The following ABCD3 variants were observed in gnomAD, a reference collection of about 807,000 sequenced individuals.
The protein encoded by ABCD3 is ATP binding cassette subfamily D member 3, also known as ATP-binding cassette sub-family D member 3.
ABCD3 carries 41 observed loss-of-function variants against 105.5 expected under a neutral mutation model. The ratio of observed to expected loss-of-function variants is 0.39; its 90% confidence interval spans 0.30 to 0.50. The LOEUF (loss-of-function observed/expected upper bound fraction) is 0.50, where lower values mean the gene tolerates loss of function less well. ABCD3 is among the 20% of genes least tolerant of loss of function. The probability of loss-of-function intolerance (pLI) is 0.84; values close to 1 mark genes in which losing one functional copy is unlikely to be tolerated. For missense variants in ABCD3, 622 were observed against 806.3 expected, an observed-to-expected ratio of 0.77 and a Z score of 2.77; for synonymous variants, 258 against 269.0, an observed-to-expected ratio of 0.96 and a Z score of 0.40.
At chr1:94,488,427 G>A (rs1316207979) in intron 13 of ABCD3, among the ~76,000 whole-genome samples, 2 of 151,940 alleles carry the variant, frequency 1.3e-5, no homozygotes, top group African/African-American at 4.8e-5. Context: ...TCTTGTATCT[G>A]TAGGCGTGCT....
intron 2 of ABCD3, among the ~76,000 whole-genome samples, chr1:94,462,154 A>G (rs957512827): frequency 6.6e-6 from 1 of 152,092 alleles, no homozygotes; most frequent in Non-Finnish European, 1.5e-5. Context: ...CTTTTTCTAT[A>G]ATGTTCATGT....
chr1:94,456,363 C>T (rs752825103), intron 1 of ABCD3, among the ~76,000 whole-genome samples: 1 of 146,214 alleles, frequency 6.8e-6, no homozygotes, highest in Non-Finnish European at 1.5e-5. Flanking sequence ...CAACCTCTGC[C>T]TCCCAGGTTC....
At chr1:94,421,257 T>A (rs1039191278) in intron 1 of ABCD3, among the ~76,000 whole-genome samples, 1 of 152,184 alleles carries the variant, frequency 6.6e-6, no homozygotes, top group Non-Finnish European at 1.5e-5. Flanking sequence ...TTATATACAT[T>A]GAAATGTACA....
intron 22 of ABCD3, 35 bp downstream of exon 22, chr1:94,515,237 T>C: frequency 6.6e-7 from 1 of 1,504,176 alleles, no homozygotes; most frequent in Non-Finnish European, 9.2e-7. Context: ...TACAGTGAAA[T>C]TTTATTTTCT....
intron 1 of ABCD3, among the ~76,000 whole-genome samples, chr1:94,436,688 G>C (rs374560246): frequency 6.6e-6 from 1 of 152,090 alleles, no homozygotes; most frequent in Non-Finnish European, 1.5e-5. Flanking sequence ...GGTAATTCTC[G>C]TGATATTTCA....
At position 94,418,421 on chromosome 1, in the gene ABCD3, AGCCGCCGCCGCC is replaced by A. The variant is rs527684035; in HGVS notation, c.-46_-35del. ...TCCCCCGCGCTGCGTGCAGTAAGGT[AGCCGCCGCCGCC>A]GCCGCCGCCGCGTCCCCTCGCCGGC... On this transcript the variant is annotated 5_prime_UTR_variant, in exon 1 of 23. Coordinates refer to ENST00000370214, the MANE Select transcript of ABCD3 (RefSeq NM_002858.4). The A allele has an allele frequency of 4.1e-5, 57 of 1,405,490 alleles. 1 individual carries two copies. Among genetic ancestry groups the A allele is most frequent in the Admixed American group, 1.9e-5 (1 of 51,562 alleles). 87.1% of individuals were successfully genotyped at this position (1,405,490 alleles called of 1,614,324 possible).
At chr1:94,489,631 TAA>T in intron 13 of ABCD3, 92 bp from the exon 14 acceptor site, 1 of 865,872 alleles carries the variant, frequency 1.2e-6, no homozygotes, top group South Asian at 1.4e-5. Flanking sequence ...TCATTTATAC[TAA>T]ATTATAATTT....
Position 94,517,873 on chromosome 1 carries a change from C to T in ABCD3, c.*744C>T, listed in dbSNP as rs989805926. ...TGTTTGGGATATTAAAACACAAAGT[C>T]CTTAACATGCCAGGCTCAAGGTCTT... On this transcript the variant is annotated 3_prime_UTR_variant, in exon 23 of 23. Transcript: ENST00000370214. 1.3e-5 allele frequency: 2 copies of T among 152,190 alleles called. No homozygotes were observed. Among genetic ancestry groups the T allele is most frequent in the Admixed American group, 6.6e-5 (1 of 15,208 alleles). 9.4% of individuals were successfully genotyped at this position (152,190 alleles called of 1,614,324 possible).
chr1:94,512,599 A>G (rs1338456720), intron 21 of ABCD3, among the ~76,000 whole-genome samples: 1 of 152,046 alleles, frequency 6.6e-6, no homozygotes, highest in Non-Finnish European at 1.5e-5. Flanking sequence ...AAAACTCAAC[A>G]ATAATTATTT....
chr1:94,429,189 C>T (rs1029082679), intron 1 of ABCD3, among the ~76,000 whole-genome samples: 14 of 152,050 alleles, frequency 9.2e-5, no homozygotes, highest in Admixed American at 7.2e-4. Flanking sequence ...GGGTGTTTGG[C>T]GGAAGAAATT....
intron 21 of ABCD3, among the ~76,000 whole-genome samples, chr1:94,509,225 C>T (rs1570839405): frequency 6.6e-6 from 1 of 152,174 alleles, no homozygotes; most frequent in East Asian, 1.9e-4. Flanking sequence ...AAGGCCTTTT[C>T]TGCATCTATT....
At chr1:94,465,857 T>C (rs779086562) in intron 3 of ABCD3, among the ~76,000 whole-genome samples, 29 of 152,212 alleles carry the variant, frequency 1.9e-4, no homozygotes, top group Non-Finnish European at 3.7e-4. Flanking sequence ...TCTCATTCTG[T>C]AACTAGAAGT....
chr1:94,461,707 A>G (rs1647879394), intron 2 of ABCD3, among the ~76,000 whole-genome samples: 1 of 152,024 alleles, frequency 6.6e-6, no homozygotes, highest in African/African-American at 2.4e-5. Context: ...GCTATGATTT[A>G]TGTAATATTG....
the ABCD3 span, among the ~76,000 whole-genome samples, chr1:94,385,598 G>C: frequency 6.6e-6 from 1 of 152,186 alleles, no homozygotes; most frequent in African/African-American, 2.4e-5. Flanking sequence ...GAGGTACTCT[G>C]TATGTGTCAG....
intron 1 of ABCD3, among the ~76,000 whole-genome samples, chr1:94,446,857 T>C (rs1197563445): frequency 6.6e-6 from 1 of 152,212 alleles, no homozygotes; most frequent in Non-Finnish European, 1.5e-5. Context: ...CTGGGACTAT[T>C]CAACCGATTG....
chr1:94,432,591 G>C (rs1659727839), intron 1 of ABCD3: 1 of 152,090 alleles, frequency 6.6e-6, no homozygotes, highest in African/African-American at 2.4e-5. Flanking sequence ...TTACAGGTGA[G>C]GAATAAGTAA....
the ABCD3 span, among the ~76,000 whole-genome samples, chr1:94,393,540 G>A: frequency 6.6e-6 from 1 of 152,126 alleles, no homozygotes; most frequent in Admixed American, 6.5e-5. Context: ...CTGGGAGGCT[G>A]AGGCAGGAGA....
chr1:94,508,125 G>A (rs1411573035), intron 21 of ABCD3, among the ~76,000 whole-genome samples: 1 of 151,994 alleles, frequency 6.6e-6, no homozygotes, highest in Non-Finnish European at 1.5e-5. Flanking sequence ...ATGGTTTTAG[G>A]TCTAACGTTT....
chr1:94,511,687 G>T (rs181005863), intron 21 of ABCD3, among the ~76,000 whole-genome samples: 1 of 151,860 alleles, frequency 6.6e-6, no homozygotes, highest in Non-Finnish European at 1.5e-5. Flanking sequence ...GGCTTTGCTC[G>T]TTTCTGTTTG....
Sources: gnomAD v4.1 joint callset for allele counts (sites outside exome capture counted in the v4.1 genomes callset) on GRCh38, gnomAD v4.1.1 for gene constraint, MANE v1.5 for transcripts, NCBI Gene and HGNC (gene_info 2026-07-23, HGNC 2026-07-21) for gene names.